CPED1: variants seen among roughly 807,000 people sequenced by gnomAD.
CPED1 encodes cadherin-like and PC-esterase domain-containing protein 1.
CPED1 carries 114 observed loss-of-function variants against 128.2 expected under a neutral mutation model. The observed-to-expected ratio is 0.89, with a 90% confidence interval of 0.76 to 1.04. The LOEUF is 1.04. Ranked by LOEUF, CPED1 falls within the 50% of genes least tolerant of loss-of-function variation. The probability of loss-of-function intolerance (pLI) is 0.00; values close to 1 mark genes in which losing one functional copy is unlikely to be tolerated. For synonymous variants in CPED1, 462 were observed against 426.7 expected, an observed-to-expected ratio of 1.08 and a Z score of -1.02; for missense variants, 1,211 against 1,207.1, an observed-to-expected ratio of 1.00 and a Z score of -0.05.
intron 16 of CPED1, among the ~76,000 whole-genome samples, chr7:121,192,655 A>G (rs534105748): frequency 0.01 from 1,539 of 151,754 alleles, 14 homozygotes; most frequent in South Asian, 0.036. Flanking sequence ...TTTGAGGGGT[A>G]AAGCAGACCA....
At chr7:121,041,782 G>T (rs1300407196) in intron 3 of CPED1, among the ~76,000 whole-genome samples, 1 of 152,128 alleles carries the variant, frequency 6.6e-6, no homozygotes, top group African/African-American at 2.4e-5. Flanking sequence ...GATGTTAGCT[G>T]GTTTCTGAGA....
chr7:121,039,880 C>T (rs934493657), intron 3 of CPED1, among the ~76,000 whole-genome samples: 2 of 151,988 alleles, frequency 1.3e-5, no homozygotes, highest in Admixed American at 6.6e-5. Flanking sequence ...TTTTCTTTTG[C>T]AAAATTTAAG....
intron 16 of CPED1, among the ~76,000 whole-genome samples, chr7:121,204,632 A>G (rs138143905): frequency 6.6e-5 from 10 of 152,260 alleles, no homozygotes; most frequent in South Asian, 2.1e-4. Flanking sequence ...AGTAGCCCCA[A>G]TGATCCAAAA....
chr7:121,115,634 T>C (rs1795218478), intron 7 of CPED1, among the ~76,000 whole-genome samples: 1 of 152,182 alleles, frequency 6.6e-6, no homozygotes, highest in Non-Finnish European at 1.5e-5. Context: ...AATGAATCCT[T>C]ATTTGCAAAT....
At chr7:121,056,367 A>T (rs1274623662) in intron 4 of CPED1, among the ~76,000 whole-genome samples, 1 of 152,184 alleles carries the variant, frequency 6.6e-6, no homozygotes, top group African/African-American at 2.4e-5. Context: ...AATTCTTATT[A>T]AAAAAGAAAA....
intron 16 of CPED1, among the ~76,000 whole-genome samples, chr7:121,172,661 C>CATAGATAG (rs6150319): frequency 0.15 from 22,184 of 145,072 alleles, 1,915 homozygotes; most frequent in African/African-American, 0.23. Flanking sequence ...TGGATGGATA[C>CATAGATAG]ATAGATAGAT....
At chr7:121,134,044 A>C (rs941292265) in intron 13 of CPED1, 151 bp downstream of exon 13, 1 of 587,136 alleles carries the variant, frequency 1.7e-6, no homozygotes, top group Admixed American at 3.2e-5. Context: ...GATTTTCTTA[A>C]AATTATAGAG....
At chr7:121,168,329 T>A (rs1164716920) in intron 16 of CPED1, among the ~76,000 whole-genome samples, 1 of 152,228 alleles carries the variant, frequency 6.6e-6, no homozygotes, top group Non-Finnish European at 1.5e-5. Flanking sequence ...GACAAGGTCT[T>A]AATATTTTAA....
intron 5 of CPED1, among the ~76,000 whole-genome samples, chr7:121,097,022 A>T (rs1455261775): frequency 6.6e-6 from 1 of 152,124 alleles, no homozygotes; most frequent in Non-Finnish European, 1.5e-5. Flanking sequence ...TTTTGGTGGG[A>T]AGAGGTTCTA....
intron 2 of CPED1, among the ~76,000 whole-genome samples, chr7:120,992,115 C>G (rs1299337800): frequency 6.6e-6 from 1 of 151,828 alleles, no homozygotes; most frequent in East Asian, 1.9e-4. Flanking sequence ...AGAGAGAAAG[C>G]TTTTGGGATC....
chr7:121,249,219 G>A (rs1347778711), intron 18 of CPED1, among the ~76,000 whole-genome samples: 2 of 152,074 alleles, frequency 1.3e-5, no homozygotes, highest in Non-Finnish European at 2.9e-5. Context: ...TTCCTGAGAG[G>A]GGAGAGATAA....
intron 16 of CPED1, among the ~76,000 whole-genome samples, chr7:121,161,804 T>C (rs548206004): frequency 6.6e-6 from 1 of 152,306 alleles, no homozygotes; most frequent in African/African-American, 2.4e-5. Flanking sequence ...TACAGGACTT[T>C]AGTATCGTGA....
chr7:121,016,584 G>C (rs972901631), intron 3 of CPED1, among the ~76,000 whole-genome samples: 4 of 152,182 alleles, frequency 2.6e-5, no homozygotes, highest in Non-Finnish European at 4.4e-5. Flanking sequence ...CTTACTGGCT[G>C]AAGTGACTCA....
chr7:121,110,868 TGAG>T (rs961331402), intron 7 of CPED1, among the ~76,000 whole-genome samples: 5 of 152,128 alleles, frequency 3.3e-5, no homozygotes, highest in East Asian at 1.9e-4. Context: ...GGGGTCCAGA[TGAG>T]GAGCATGGTG....
intron 18 of CPED1, among the ~76,000 whole-genome samples, chr7:121,259,693 C>A (rs1354136948): frequency 1.3e-5 from 2 of 151,898 alleles, no homozygotes; most frequent in Admixed American, 1.3e-4. Context: ...TTTACAACTG[C>A]AAAAACTTAG....
intron 16 of CPED1, among the ~76,000 whole-genome samples, chr7:121,197,322 T>C (rs1408589336): frequency 6.6e-6 from 1 of 152,098 alleles, no homozygotes; most frequent in Non-Finnish European, 1.5e-5. Flanking sequence ...ATGAAAGTAC[T>C]GCCAGGGATA....
chr7:121,081,895 C>T (rs1005397011), intron 5 of CPED1, among the ~76,000 whole-genome samples: 2 of 152,126 alleles, frequency 1.3e-5, no homozygotes, highest in African/African-American at 4.8e-5. Context: ...TTATACACTT[C>T]CTTCTTTCAA....
At chr7:121,196,117 CA>C (rs1171241315) in intron 16 of CPED1, among the ~76,000 whole-genome samples, 1 of 152,014 alleles carries the variant, frequency 6.6e-6, no homozygotes, top group Non-Finnish European at 1.5e-5. Context: ...ATTCAGTTTT[CA>C]GAAATAATTT....
intron 22 of CPED1, among the ~76,000 whole-genome samples, chr7:121,271,658 T>C (rs371188696): frequency 1.7e-4 from 26 of 152,124 alleles, no homozygotes; most frequent in Non-Finnish European, 1.8e-4. Flanking sequence ...ACTTCAAAAC[T>C]AGAACAATTG....
Sources: allele counts gnomAD v4.1 joint callset (sites outside exome capture counted in the v4.1 genomes callset), GRCh38; gene constraint gnomAD v4.1.1; transcripts MANE v1.5; gene names NCBI Gene and HGNC (gene_info 2026-07-23, HGNC 2026-07-21).